PSMD7: variants seen among roughly 807,000 people sequenced by gnomAD.
PSMD7 encodes 26S proteasome non-ATPase regulatory subunit 7.
In PSMD7, 13 loss-of-function variants were observed where a neutral mutation model predicts 36.4. That is an observed-to-expected ratio of 0.36 (90% CI 0.23 to 0.57). PSMD7 has a LOEUF of 0.57. Ranked by LOEUF, PSMD7 falls within the 20% of genes least tolerant of loss-of-function variation. The pLI, the probability that PSMD7 is intolerant of heterozygous loss-of-function variation, is 0.83. For missense variants in PSMD7, 298 were observed against 393.6 expected (o/e 0.76, Z 2.06); for synonymous variants, 186 against 151.0 (o/e 1.23, Z -1.70).
chr16:74,296,868 G>C lies in PSMD7; in HGVS notation c.-47G>C. On this transcript the variant is annotated 5_prime_UTR_variant, in exon 1 of 7. Coordinates refer to ENST00000219313, the MANE Select transcript of PSMD7 (RefSeq NM_002811.5). ...ACCGGTGACCGCTACTGCTGCCGGT[G>C]TTTGCGTGTGGCAGGGAGCCAGGCC... The C allele has an allele frequency of 1.2e-6, 2 of 1,603,994 alleles. No homozygotes were observed. Among genetic ancestry groups the C allele is most frequent in the Non-Finnish European group, 1.7e-6 (2 of 1,173,816 alleles).
In PSMD7 at chr16:74,305,472, A is replaced by C; in HGVS notation, c.714A>C (p.Pro238=). 6.2e-7 allele frequency: 1 copy of C among 1,614,174 alleles called. No individual in the cohort carries two copies. The highest frequency in any genetic ancestry group is 8.5e-7 in the Non-Finnish European group (1 of 1,180,028). The change falls in exon 7 of 7, where the codon CCA becomes CCC. Residue 238 remains proline, a synonymous_variant. Transcript: ENST00000219313. The part of the protein sequence containing the change: ...YQLQDVFNLL[P]DVSLQEFVKA... Reference sequence around the variant, plus strand: ...TGCAGGACGTCTTCAACCTGCTGCCAGATGTCAGCCTGCAGGAGTTCGTCA... The same window carrying C: ...TGCAGGACGTCTTCAACCTGCTGCCCGATGTCAGCCTGCAGGAGTTCGTCA...
intron 3 of PSMD7, 140 bp downstream of exon 3, chr16:74,301,284 T>G (rs1597118670): frequency 1.5e-6 from 1 of 672,270 alleles, no homozygotes; most frequent in African/African-American, 1.8e-5. Context: ...AGGAATAAGG[T>G]AGAATACATG....
intron 5 of PSMD7, 47 bp from the exon 6 acceptor site, chr16:74,304,256 G>A (rs2034178612): frequency 2.6e-6 from 4 of 1,553,214 alleles, no homozygotes; most frequent in Non-Finnish European, 3.6e-6. Flanking sequence ...ACACATGTCA[G>A]TTCGTTTGTG....
At chr16:74,299,943 T>A (rs1365141321) in intron 1 of PSMD7, among the ~76,000 whole-genome samples, 172 bp from the exon 2 acceptor site, 1 of 152,218 alleles carries the variant, frequency 6.6e-6, no homozygotes, top group Non-Finnish European at 1.5e-5. Context: ...AGTTTATGAA[T>A]TACCCCTTAT....
chr16:74,297,401 G>A (rs903804290), intron 1 of PSMD7, among the ~76,000 whole-genome samples: 1 of 151,890 alleles, frequency 6.6e-6, no homozygotes, highest in South Asian at 2.1e-4. Flanking sequence ...GATAAAGCCA[G>A]GGTGGGGCGG....
Position 74,302,217 on chromosome 16 carries a change from G to C in PSMD7, c.363G>C (p.Leu121Phe). 6.2e-7 allele frequency: 1 copy of C among 1,613,626 alleles called. No individual in the cohort carries two copies. Among genetic ancestry groups the C allele is most frequent in the Non-Finnish European group, 8.5e-7 (1 of 1,179,776 alleles). ...LMKRYCPNSVLVIIDVKPKDL... is the reference protein window; with the variant it reads ...LMKRYCPNSVFVIIDVKPKDL... ...AAGATGTGTTTCTCTGCCAGGTATTGGTCATCATTGATGTGAAGCCGAAGG... is the reference window on the plus strand; with the variant it reads ...AAGATGTGTTTCTCTGCCAGGTATTCGTCATCATTGATGTGAAGCCGAAGG... Residue 121 changes from leucine (L) to phenylalanine (F), a missense_variant, in exon 5 of 7, where the codon TTG becomes TTC. Leu to Phe is a conservative substitution (Grantham distance 22). Transcript: ENST00000219313.
Position 74,296,840 on chromosome 16 carries a change from G to T in PSMD7, c.-75G>T. 6.6e-7 allele frequency: 1 copy of T among 1,507,804 alleles called. No homozygotes were observed. The highest frequency in any genetic ancestry group is 9.1e-7 in the Non-Finnish European group (1 of 1,094,626). The allele number at this position is 1,507,804 out of a possible 1,614,324, so 93.4% of individuals were successfully genotyped here. ...GAAGAAGAGGAACTGGGCCTGAAAG[G>T]GTACCGGTGACCGCTACTGCTGCCG... On this transcript the variant is annotated 5_prime_UTR_variant, in exon 1 of 7. Transcript: ENST00000219313.
In PSMD7 at chr16:74,305,617, A is replaced by T. The variant is rs766443306; in HGVS notation, c.859A>T (p.Lys287Ter). 6.3e-7 allele frequency: 1 copy of T among 1,598,056 alleles called. No homozygotes were observed. The highest frequency in any genetic ancestry group is 8.6e-7 in the Non-Finnish European group (1 of 1,167,354). The change falls in exon 7 of 7, where the codon AAG (lysine) becomes TAG (stop). Residue 287 changes from lysine (K) to a stop codon, truncating the protein, a stop_gained. Coordinates refer to ENST00000219313, the MANE Select transcript of PSMD7 (RefSeq NM_002811.5). LOFTEE classifies it high-confidence loss of function. ...NNKIANRDAE[K>*]KEGQEKEESK... ...CAAGATTGCCAACCGGGATGCAGAG[A>T]AGAAAGAAGGGCAGGAGAAAGAAGA...
In PSMD7 at chr16:74,305,835, A is replaced by G; in HGVS notation, c.*102A>G. On this transcript the variant is annotated 3_prime_UTR_variant, in exon 7 of 7. Coordinates refer to ENST00000219313, the MANE Select transcript of PSMD7 (RefSeq NM_002811.5). ...TTTTCACTTGACATGCTTATTAGAA[A>G]GCTGACCCAACAAGAGCTCTCTGCC... is the stretch of plus-strand genomic sequence containing the variant. 5.3e-6 allele frequency: 7 copies of G among 1,310,184 alleles called. No individual in the cohort carries two copies. Among genetic ancestry groups the G allele is most frequent in the Non-Finnish European group, 6.9e-6 (7 of 1,015,820 alleles). The allele number at this position is 1,310,184 out of a possible 1,614,324, so 81.2% of individuals were successfully genotyped here.
Position 74,305,801 on chromosome 16 carries a change from G to A in PSMD7, c.*68G>A. ...TACAAACTAAATCAGTGTGCTGCTA[G>A]AGGGTTCTTTTTCACTTGACATGCT... On this transcript the variant is annotated 3_prime_UTR_variant, in exon 7 of 7. Coordinates refer to ENST00000219313, the MANE Select transcript of PSMD7 (RefSeq NM_002811.5). 7.3e-7 allele frequency: 1 copy of A among 1,379,194 alleles called. No individual in the cohort carries two copies. The highest frequency in any genetic ancestry group is 9.4e-7 in the Non-Finnish European group (1 of 1,069,480). 85.4% of individuals were successfully genotyped at this position (1,379,194 alleles called of 1,614,324 possible). A position where few individuals can be genotyped will look rare whatever the true frequency, so the allele number is the denominator to read the frequency against.
rs149640570 is a variant in PSMD7, at chr16:74,302,253, G to T, written c.399G>T (p.Leu133=). 1.2e-6 allele frequency: 2 copies of T among 1,614,088 alleles called. No individual in the cohort carries two copies. The highest frequency in any genetic ancestry group is 1.7e-6 in the Non-Finnish European group (2 of 1,179,990). ...ATGTGAAGCCGAAGGACCTAGGGCT[G>T]CCTACAGAAGCGTACATTTCAGTGG... ...IIDVKPKDLG[L]PTEAYISVEE... is the part of the protein sequence containing the mutation. Residue 133 remains leucine (L), a synonymous_variant, in exon 5 of 7, where the codon CTG becomes CTT. Coordinates refer to ENST00000219313, the MANE Select transcript of PSMD7 (RefSeq NM_002811.5).
chr16:74,302,070 C>T, intron 4 of PSMD7, 142 bp from the exon 5 acceptor site: 1 of 693,236 alleles, frequency 1.4e-6, no homozygotes, highest in Non-Finnish European at 2.5e-6. Context: ...TCATTTGAAG[C>T]ATAAATGCAT....
chr16:74,301,033 C>A lies in PSMD7; in HGVS notation c.167-19C>A. The A allele has an allele frequency of 6.5e-7, 1 of 1,544,170 alleles. No homozygotes were observed. The highest frequency in any genetic ancestry group is 8.9e-7 in the Non-Finnish European group (1 of 1,119,832). On this transcript the variant is annotated intron_variant, in intron 2 of 6. Coordinates refer to ENST00000219313, the MANE Select transcript of PSMD7 (RefSeq NM_002811.5). ...GTTTCTATCAAGCACCCTAAACTAA[C>A]TTTTTTTTTCCTCTTTAGTTCCTTT... is the stretch of plus-strand genomic sequence containing the variant.
intron 3 of PSMD7, 88 bp downstream of exon 3, chr16:74,301,232 C>T (rs1202387794): frequency 2.4e-6 from 2 of 838,036 alleles, no homozygotes; most frequent in Non-Finnish European, 3.8e-6. Flanking sequence ...ACATCAAGGG[C>T]CCTTTCACTT....
rs1430551669 is a variant in PSMD7, at chr16:74,296,866, G to A, written c.-49G>A. Reference sequence around the variant, plus strand: ...GTACCGGTGACCGCTACTGCTGCCGGTGTTTGCGTGTGGCAGGGAGCCAGG... The same window carrying A: ...GTACCGGTGACCGCTACTGCTGCCGATGTTTGCGTGTGGCAGGGAGCCAGG... On this transcript the variant is annotated 5_prime_UTR_variant, in exon 1 of 7. It adds an upstream start codon to the 5' untranslated region. Coordinates refer to ENST00000219313, the MANE Select transcript of PSMD7 (RefSeq NM_002811.5). 3.1e-6 allele frequency: 5 copies of A among 1,598,982 alleles called. No homozygotes were observed. The highest frequency in any genetic ancestry group is 1.7e-4 in the Middle Eastern group (1 of 5,930).
At chr16:74,300,711 A>G (rs947301908) in intron 2 of PSMD7, among the ~76,000 whole-genome samples, 1 of 152,244 alleles carries the variant, frequency 6.6e-6, no homozygotes, top group African/African-American at 2.4e-5. Context: ...TCTAGTGTCT[A>G]AAATGACCAG....
At chr16:74,301,747 C>T (rs779068195) in intron 4 of PSMD7, 95 bp downstream of exon 4, 2 of 943,876 alleles carry the variant, frequency 2.1e-6, no homozygotes, top group Non-Finnish European at 3.3e-6. Flanking sequence ...AGCAAATCTG[C>T]TTACTGCTTT....
At position 74,298,156 on chromosome 16, in the gene PSMD7, CAAAAAA is replaced by C. The variant is rs75614540; in HGVS notation, c.74+1183_74+1188del. Among the ~76,000 whole-genome samples the C allele has an allele frequency of 2.1e-4, 15 of 72,774 alleles. No individual in the cohort carries two copies. In the East Asian group the frequency reaches 3.7e-3, roughly 18 times the overall value. 47.7% of individuals were successfully genotyped at this position (72,774 alleles called of 152,430 possible). The stretch of plus-strand genomic sequence containing the variant: ...CTGGGTGAGAGTGAGACCCTGTCTC[CAAAAAA>C]AAAAAAAAAAAAAAGACCAGTTGGA... On this transcript the variant is annotated intron_variant, in intron 1 of 6. Transcript: ENST00000219313.
rs1303533105 is a variant in PSMD7 at position 74,301,623 on chromosome 16, G to A, written c.328G>A (p.Glu110Lys). 17 of 1,612,638 alleles carry A rather than the reference G, an allele frequency of 1.1e-5. No individual in the cohort carries two copies. The highest frequency in any genetic ancestry group is 2.7e-5 in the African/African-American group (2 of 74,852). Reference sequence around the variant, plus strand: ...ACACAAGAATGACATTGCCATCAACGAACTCATGAAAAGATACTGTCCTAA... The same window carrying A: ...ACACAAGAATGACATTGCCATCAACAAACTCATGAAAAGATACTGTCCTAA... ...KLHKNDIAINELMKRYCPNSV... is the reference protein window; with the variant it reads ...KLHKNDIAINKLMKRYCPNSV... Residue 110 changes from glutamate (E) to lysine (K), a missense_variant, in exon 4 of 7, where the codon GAA becomes AAA. By Grantham distance (56) the Glu-to-Lys change is moderately conservative. Coordinates refer to ENST00000219313, the MANE Select transcript of PSMD7 (RefSeq NM_002811.5).
Sources: gnomAD v4.1 joint callset for allele counts (sites outside exome capture counted in the v4.1 genomes callset) on GRCh38, gnomAD v4.1.1 for gene constraint, MANE v1.5 for transcripts, NCBI Gene and HGNC (gene_info 2026-07-23, HGNC 2026-07-21) for gene names.